SH3PXD2B: variants seen among roughly 807,000 people sequenced by gnomAD.
SH3PXD2B encodes the protein SH3 and PX domain-containing protein 2B.
A neutral mutation model predicts 73.1 loss-of-function variants in SH3PXD2B; 37 were observed. That is an observed-to-expected ratio of 0.51 (90% CI 0.39 to 0.67). SH3PXD2B has a LOEUF of 0.67. Among genes scored for constraint, SH3PXD2B ranks in the 30% least tolerant of loss-of-function variants. The pLI is 0.00. For synonymous variants in SH3PXD2B, 457 were observed against 480.5 expected (o/e 0.95, Z 0.64); for missense variants, 1,053 against 1,197.8 (o/e 0.88, Z 1.78).
chr5:172,431,389 C>T (rs10063648), intron 1 of SH3PXD2B, among the ~76,000 whole-genome samples: 17,476 of 152,242 alleles, frequency 0.11, 2,134 homozygotes, highest in African/African-American at 0.32. Context: ...AGAAGAGCGA[C>T]GGGGAGAGCC....
chr5:172,454,212 G>C (rs546772471), intron 1 of SH3PXD2B, 66 bp downstream of exon 1: 4 of 1,406,598 alleles, frequency 2.8e-6, no homozygotes, highest in African/African-American at 2.9e-5. Context: ...TTTCCAAGCC[G>C]GGGGCCCTCG....
At position 172,338,612 on chromosome 5, in the gene SH3PXD2B, C is replaced by T; in HGVS notation, c.2493G>A (p.Lys831=). ...KGSLGPWGTG[K]IGENREKAAA... ...CTGCTTTCTCCCTGTTTTCTCCAATCTTGCCGGTCCCCCATGGCCCCAGGC... is the reference window on the plus strand; with the variant it reads ...CTGCTTTCTCCCTGTTTTCTCCAATTTTGCCGGTCCCCCATGGCCCCAGGC... Residue 831 remains lysine, a synonymous_variant, in exon 13 of 13, where the codon AAG becomes AAA. Transcript: ENST00000311601. The surrounding 1 kb of genome is among the most constrained non-coding windows in gnomAD (Gnocchi z 5.1). The T allele has an allele frequency of 2.5e-6, 4 of 1,614,160 alleles. No homozygotes were observed. The highest frequency in any genetic ancestry group is 3.4e-6 in the Non-Finnish European group (4 of 1,179,996).
At chr5:172,396,121 G>C (rs1413569298) in intron 3 of SH3PXD2B, among the ~76,000 whole-genome samples, 1 of 151,140 alleles carries the variant, frequency 6.6e-6, no homozygotes, top group African/African-American at 2.4e-5. Context: ...GGGAGGCCGA[G>C]GTGGGTGGAT....
At position 172,336,246 on chromosome 5, in the gene SH3PXD2B, T is replaced by C; in HGVS notation, c.*2123A>G. The C allele has an allele frequency of 1.0e-6, 1 of 985,488 alleles. No individual in the cohort carries two copies. The highest frequency in any genetic ancestry group is 4.7e-5 in the South Asian group (1 of 21,286). The allele number at this position is 985,488 out of a possible 1,614,324, so 61.0% of individuals were successfully genotyped here. On this transcript the variant is annotated 3_prime_UTR_variant, in exon 13 of 13. Coordinates refer to ENST00000311601, the MANE Select transcript of SH3PXD2B (RefSeq NM_001017995.3). ...GAAATGCAGTCAAATCTCACATAGC[T>C]TCACAAAAGTTGTTTAAACCAAAGT...
intron 2 of SH3PXD2B, among the ~76,000 whole-genome samples, chr5:172,415,583 T>C (rs1758801437): frequency 6.6e-6 from 1 of 152,208 alleles, no homozygotes; most frequent in Non-Finnish European, 1.5e-5. Context: ...ACCTCATGCC[T>C]GTGAGGACAG....
intron 3 of SH3PXD2B, among the ~76,000 whole-genome samples, chr5:172,399,239 C>T (rs1186466927): frequency 1.3e-5 from 2 of 152,102 alleles, no homozygotes; most frequent in African/African-American, 4.8e-5. Context: ...GGTGGTCCCT[C>T]GATTAACCAA....
At chr5:172,443,559 G>A (rs1271063057) in intron 1 of SH3PXD2B, among the ~76,000 whole-genome samples, 1 of 152,242 alleles carries the variant, frequency 6.6e-6, no homozygotes, top group South Asian at 2.1e-4. Context: ...ATTCTGAACA[G>A]ATGGTGACCT....
chr5:172,338,229 C>T lies in SH3PXD2B; in HGVS notation c.*140G>A. The T allele has an allele frequency of 6.4e-7, 1 of 1,552,774 alleles. No individual in the cohort carries two copies. Among genetic ancestry groups the T allele is most frequent in the Non-Finnish European group, 8.7e-7 (1 of 1,150,690 alleles). ...AGGTGTCCGAAACTCACTCTCCACC[C>T]ATGGGAGGCAAGAAGTCACAGTACC... On this transcript the variant is annotated 3_prime_UTR_variant, in exon 13 of 13. Transcript: ENST00000311601. This position sits in a 1 kb window ranked among gnomAD's most constrained non-coding sequence, Gnocchi z 5.1.
chr5:172,439,946 C>T (rs2731689), intron 1 of SH3PXD2B, among the ~76,000 whole-genome samples: 37,760 of 152,032 alleles, frequency 0.25, 5,479 homozygotes, highest in Non-Finnish European at 0.33. Flanking sequence ...ACATCTGGCC[C>T]GAGGCGGCGT....
intron 12 of SH3PXD2B, among the ~76,000 whole-genome samples, chr5:172,344,115 A>G (rs1383920361): frequency 6.6e-6 from 1 of 151,992 alleles, no homozygotes; most frequent in Admixed American, 6.6e-5. Flanking sequence ...CATCATCATC[A>G]TTATCATAAC....
chr5:172,396,314 C>A (rs1758296765), intron 3 of SH3PXD2B, among the ~76,000 whole-genome samples: 2 of 150,448 alleles, frequency 1.3e-5, no homozygotes, highest in Admixed American at 1.3e-4. Flanking sequence ...GCAGAGGATG[C>A]AGTGATCCAA....
chr5:172,391,332 T>C (rs1437892613), intron 4 of SH3PXD2B, among the ~76,000 whole-genome samples: 1 of 152,254 alleles, frequency 6.6e-6, no homozygotes, highest in African/African-American at 2.4e-5. Flanking sequence ...TATGCCTTCT[T>C]GGGTAAAATT....
At chr5:172,389,476 A>G (rs1581300394) in intron 4 of SH3PXD2B, among the ~76,000 whole-genome samples, 1 of 108,454 alleles carries the variant, frequency 9.2e-6, no homozygotes, top group African/African-American at 3.6e-5. Context: ...TTGGGCCTCC[A>G]CCTCCTCATC....
intron 7 of SH3PXD2B, among the ~76,000 whole-genome samples, chr5:172,361,627 G>A (rs1312659574): frequency 6.6e-6 from 1 of 152,176 alleles, no homozygotes; most frequent in Non-Finnish European, 1.5e-5. Flanking sequence ...TCATTCTCAG[G>A]AACTGGAAAG....
At chr5:172,451,807 C>G (rs1432496585) in intron 1 of SH3PXD2B, among the ~76,000 whole-genome samples, 8 of 152,324 alleles carry the variant, frequency 5.3e-5, no homozygotes, top group Admixed American at 3.9e-4. Flanking sequence ...CAGCGGTCGC[C>G]CACCACAGGG....
intron 5 of SH3PXD2B, among the ~76,000 whole-genome samples, chr5:172,379,999 A>T (rs1757908636): frequency 6.6e-6 from 1 of 152,142 alleles, no homozygotes; most frequent in South Asian, 2.1e-4. Context: ...TTTTGTTAAA[A>T]GTCCCTTTTA....
intron 1 of SH3PXD2B, among the ~76,000 whole-genome samples, chr5:172,449,354 C>T (rs1238044475): frequency 6.6e-6 from 1 of 152,162 alleles, no homozygotes; most frequent in Non-Finnish European, 1.5e-5. Flanking sequence ...TCACAGGATC[C>T]CCCTATGTTT....
At chr5:172,439,244 AAAAAAAG>A in intron 1 of SH3PXD2B, among the ~76,000 whole-genome samples, 1 of 94,274 alleles carries the variant, frequency 1.1e-5, no homozygotes, top group Non-Finnish European at 2.2e-5. Flanking sequence ...AACAGAAAAA[AAAAAAAG>A]AAAAAAAAAA....
chr5:172,427,280 G>T (rs1360616817), intron 1 of SH3PXD2B, among the ~76,000 whole-genome samples: 2 of 152,196 alleles, frequency 1.3e-5, no homozygotes, highest in Non-Finnish European at 2.9e-5. Flanking sequence ...GAGGTACCTG[G>T]AGTAGTCAAA....
Sources: allele counts gnomAD v4.1 joint callset (sites outside exome capture counted in the v4.1 genomes callset), GRCh38; gene constraint gnomAD v4.1.1; non-coding constraint Gnocchi (gnomAD v3.1); transcripts MANE v1.5; gene names NCBI Gene and HGNC (gene_info 2026-07-23, HGNC 2026-07-21).